Variants in AGBL1 observed in about 807,000 individuals in gnomAD.
AGBL1 encodes the protein cytosolic carboxypeptidase 4.
A neutral mutation model predicts 118.9 loss-of-function variants in AGBL1; 130 were observed. The ratio of observed to expected loss-of-function variants is 1.09; its 90% CI spans 0.95 to 1.26. The LOEUF is 1.26. Ranked by LOEUF, AGBL1 falls within the 50% of genes most tolerant of loss-of-function variation. The pLI is 0.00. For missense variants in AGBL1, 1,584 were observed against 1,298.1 expected (o/e 1.22, Z -3.38); for synonymous variants, 555 against 478.9 (o/e 1.16, Z -2.08).
intron 22 of AGBL1, among the ~76,000 whole-genome samples, chr15:86,878,771 A>G (rs899624083): frequency 6.6e-6 from 1 of 152,200 alleles, no homozygotes; most frequent in African/African-American, 2.4e-5. Flanking sequence ...AGCCTGCTCA[A>G]CTGGGACATT....
intron 22 of AGBL1, among the ~76,000 whole-genome samples, chr15:86,819,236 AC>A (rs1180395406): frequency 6.6e-6 from 1 of 152,156 alleles, no homozygotes; most frequent in Non-Finnish European, 1.5e-5. Context: ...TGGCAGTAGT[AC>A]TAGTAGTAGG....
At chr15:86,202,239 G>A (rs1392589272) in intron 5 of AGBL1, among the ~76,000 whole-genome samples, 3 of 152,186 alleles carry the variant, frequency 2.0e-5, no homozygotes, top group Non-Finnish European at 4.4e-5. Context: ...GTTGCAGTGA[G>A]CCAAGACTGT....
chr15:86,183,829 TA>T (rs1340678938), intron 5 of AGBL1, among the ~76,000 whole-genome samples: 1 of 152,158 alleles, frequency 6.6e-6, no homozygotes, highest in Non-Finnish European at 1.5e-5. Flanking sequence ...CGAAATTAAA[TA>T]ATTAAACTAC....
chr15:86,964,547 C>T (rs2081030263), intron 23 of AGBL1, among the ~76,000 whole-genome samples: 1 of 151,988 alleles, frequency 6.6e-6, no homozygotes, highest in Non-Finnish European at 1.5e-5. Flanking sequence ...AAATCACCTC[C>T]TGAACATGAA....
intron 18 of AGBL1, among the ~76,000 whole-genome samples, chr15:86,414,850 A>G (rs1417225755): frequency 6.6e-6 from 1 of 152,170 alleles, no homozygotes; most frequent in Non-Finnish European, 1.5e-5. Context: ...GTGGCTAAGA[A>G]CACTTAGAAT....
chr15:86,991,288 A>G (rs556598389), intron 24 of AGBL1, among the ~76,000 whole-genome samples: 73 of 152,172 alleles, frequency 4.8e-4, no homozygotes, highest in African/African-American at 1.6e-3. Context: ...GATGGCACAG[A>G]ACACCAACTT....
chr15:86,104,127 A>G (rs1428709315), intron 1 of AGBL1, among the ~76,000 whole-genome samples: 4 of 152,158 alleles, frequency 2.6e-5, no homozygotes, highest in Non-Finnish European at 4.4e-5. Flanking sequence ...TCAGGTGCCA[A>G]TGGTGGTAAA....
At chr15:86,109,338 A>G (rs1294201701) in intron 1 of AGBL1, among the ~76,000 whole-genome samples, 1 of 152,228 alleles carries the variant, frequency 6.6e-6, no homozygotes, top group Non-Finnish European at 1.5e-5. Context: ...TTTAGAAAGC[A>G]ATGATTTTTA....
intron 17 of AGBL1, among the ~76,000 whole-genome samples, chr15:86,337,800 C>T (rs2080396331): frequency 6.6e-6 from 1 of 152,186 alleles, no homozygotes; most frequent in African/African-American, 2.4e-5. Context: ...AGCAAATCAC[C>T]ATGGCACATG....
At chr15:86,973,182 C>T (rs1273059047) in intron 23 of AGBL1, among the ~76,000 whole-genome samples, 1 of 151,904 alleles carries the variant, frequency 6.6e-6, no homozygotes, top group Non-Finnish European at 1.5e-5. Flanking sequence ...TGTTTGTTAG[C>T]AATTGGTATA....
chr15:86,417,098 T>C (rs2081706174), intron 18 of AGBL1, among the ~76,000 whole-genome samples: 1 of 152,224 alleles, frequency 6.6e-6, no homozygotes, highest in Non-Finnish European at 1.5e-5. Context: ...TTTATAGCAT[T>C]CATCACATGT....
At chr15:86,693,272 T>G (rs1224416621) in intron 22 of AGBL1, among the ~76,000 whole-genome samples, 8 of 148,202 alleles carry the variant, frequency 5.4e-5, no homozygotes, top group African/African-American at 2.0e-4. Context: ...CCGACATCTA[T>G]TTTTTTTTAA....
At chr15:86,743,881 A>G (rs1432160627) in intron 22 of AGBL1, among the ~76,000 whole-genome samples, 1 of 152,002 alleles carries the variant, frequency 6.6e-6, no homozygotes, top group Non-Finnish European at 1.5e-5. Flanking sequence ...CCCGCAACAC[A>G]CACACGTCTA....
At position 86,115,853 on chromosome 15, in the gene AGBL1, G is replaced by A. The variant is rs530687419; in HGVS notation, c.52-26151G>A. On this transcript the variant is annotated intron_variant, in intron 1 of 22. Coordinates refer to ENST00000614907, the MANE Select transcript of AGBL1 (RefSeq NM_001386094.1). ...AACTCCAGACTCATCTCTCCAGGAT[G>A]ACCAAACATTTCAGCCTTCTGGGAC... Among the ~76,000 whole-genome samples the A allele has an allele frequency of 2.6e-4, 40 of 152,244 alleles. No homozygotes were observed. In the South Asian group the frequency reaches 8.3e-3, roughly 32 times the overall value.
intron 24 of AGBL1, among the ~76,000 whole-genome samples, chr15:87,016,269 G>A (rs1567288729): frequency 2.1e-5 from 3 of 143,680 alleles, no homozygotes; most frequent in African/African-American, 7.7e-5. Flanking sequence ...GGTGATTTAT[G>A]TTCAGCCATA....
intron 18 of AGBL1, among the ~76,000 whole-genome samples, chr15:86,505,924 C>A (rs1417700977): frequency 6.6e-6 from 1 of 151,802 alleles, no homozygotes. Flanking sequence ...TTCCCCAAAC[C>A]CAGGATTTAT....
At chr15:86,328,209 T>G (rs1843809326) in intron 17 of AGBL1, among the ~76,000 whole-genome samples, 1 of 152,158 alleles carries the variant, frequency 6.6e-6, no homozygotes, top group African/African-American at 2.4e-5. Context: ...AGTTAATGCT[T>G]ATTGTGATTC....
intron 22 of AGBL1, among the ~76,000 whole-genome samples, chr15:86,719,080 C>T (rs1225592155): frequency 6.6e-6 from 1 of 152,116 alleles, no homozygotes; most frequent in African/African-American, 2.4e-5. Context: ...GAATGGCTCT[C>T]TGGGAAACAT....
intron 17 of AGBL1, among the ~76,000 whole-genome samples, chr15:86,394,754 A>C (rs1262311017): frequency 6.6e-6 from 1 of 152,140 alleles, no homozygotes; most frequent in Non-Finnish European, 1.5e-5. Flanking sequence ...AGGAAGAAGA[A>C]GGGCGAAGGA....
Sources: allele counts gnomAD v4.1 joint callset (sites outside exome capture counted in the v4.1 genomes callset), GRCh38; gene constraint gnomAD v4.1.1; transcripts MANE v1.5; gene names NCBI Gene and HGNC (gene_info 2026-07-23, HGNC 2026-07-21).